The following NBEAL1 variants were observed in gnomAD, a reference collection of about 807,000 sequenced individuals.
The protein encoded by NBEAL1 is neurobeachin-like protein 1.
A neutral mutation model predicts 351.3 loss-of-function variants in NBEAL1; 273 were observed. The ratio of observed to expected loss-of-function variants is 0.78; its 90% CI spans 0.70 to 0.86. NBEAL1 has a LOEUF of 0.86. Ranked by LOEUF, NBEAL1 falls within the 40% of genes least tolerant of loss-of-function variation. The pLI, the probability that NBEAL1 is intolerant of heterozygous loss-of-function variation, is 0.00. For synonymous variants in NBEAL1, 1,050 were observed against 1,086.4 expected (o/e 0.97, Z 0.66); for missense variants, 2,961 against 3,201.3 (o/e 0.92, Z 1.81).
chr2:203,156,636 G>A (rs2063805084), intron 35 of NBEAL1, among the ~76,000 whole-genome samples: 1 of 152,168 alleles, frequency 6.6e-6, no homozygotes, highest in East Asian at 1.9e-4. Context: ...AATGTAGAGG[G>A]TATGATCAAA....
At chr2:203,204,695 C>A (rs942195002) in intron 51 of NBEAL1, among the ~76,000 whole-genome samples, 4 of 152,088 alleles carry the variant, frequency 2.6e-5, no homozygotes, top group African/African-American at 9.6e-5. Context: ...GATAAAATTT[C>A]TTTCTTTTTC....
intron 21 of NBEAL1, 75 bp downstream of exon 21, chr2:203,126,168 A>T (rs2062932558): frequency 7.4e-7 from 1 of 1,343,326 alleles, no homozygotes; most frequent in South Asian, 1.5e-5. Context: ...TTTTCTTCCT[A>T]ATAAATATAT....
chr2:203,197,653 A>G (rs2105800233), intron 48 of NBEAL1, among the ~76,000 whole-genome samples: 1 of 152,296 alleles, frequency 6.6e-6, no homozygotes, highest in South Asian at 2.1e-4. Context: ...CACGTCCGTA[A>G]TCCCAGCACT....
intron 15 of NBEAL1, among the ~76,000 whole-genome samples, chr2:203,111,584 C>G (rs2062574290): frequency 6.6e-6 from 1 of 152,002 alleles, no homozygotes; most frequent in South Asian, 2.1e-4. Context: ...GTTGGCCAGG[C>G]TGGTCTCGAA....
In NBEAL1 at chr2:203,127,838, T is replaced by C; in HGVS notation, c.3306T>C (p.Ser1102=). 6.5e-7 allele frequency: 1 copy of C among 1,539,788 alleles called. No individual in the cohort carries two copies. The highest frequency in any genetic ancestry group is 8.8e-7 in the Non-Finnish European group (1 of 1,134,760). The change falls in exon 24 of 56, where the codon TCT becomes TCC. Residue 1102 remains serine, a synonymous_variant. Transcript: ENST00000683969. ...ATGATATTCGAACAATAAGGACTTC[T>C]TTGTATGGACTAATTAAATATTTTC... ...SLDDIRTIRT[S]LYGLIKYFLC...
At chr2:203,031,471 G>A (rs914731558) in intron 2 of NBEAL1, among the ~76,000 whole-genome samples, 28 of 152,148 alleles carry the variant, frequency 1.8e-4, no homozygotes, top group Admixed American at 1.2e-3. Context: ...TTAAACTTAT[G>A]TGTAGTACTA....
At chr2:203,052,555 CTTGT>C (rs373453253) in intron 4 of NBEAL1, 3 of 151,808 alleles carry the variant, frequency 2.0e-5, no homozygotes, top group Non-Finnish European at 2.9e-5. Flanking sequence ...CATGACTTTT[CTTGT>C]TTGTTTGTTT....
At chr2:203,116,436 T>G (rs1205439610) in intron 18 of NBEAL1, among the ~76,000 whole-genome samples, 1 of 151,708 alleles carries the variant, frequency 6.6e-6, no homozygotes, top group Non-Finnish European at 1.5e-5. Flanking sequence ...TAGCCAAAAA[T>G]TTTAAAAAAA....
intron 55 of NBEAL1, among the ~76,000 whole-genome samples, chr2:203,214,620 C>T (rs1575141673): frequency 6.6e-6 from 1 of 151,988 alleles, no homozygotes; most frequent in African/African-American, 2.4e-5. Context: ...ACTAAAAATA[C>T]AAAAATTAGC....
intron 2 of NBEAL1, among the ~76,000 whole-genome samples, chr2:203,018,111 C>T (rs1437487475): frequency 1.3e-5 from 2 of 151,994 alleles, no homozygotes; most frequent in African/African-American, 2.4e-5. Flanking sequence ...AGGTAGCTAC[C>T]AAATATACCT....
At chr2:203,204,284 G>T (rs560596689) in intron 51 of NBEAL1, among the ~76,000 whole-genome samples, 1 of 141,636 alleles carries the variant, frequency 7.1e-6, no homozygotes, top group African/African-American at 2.6e-5. Flanking sequence ...TACTGAAATT[G>T]TATTTAATTT....
At chr2:203,163,152 A>G (rs1056008489) in intron 36 of NBEAL1, among the ~76,000 whole-genome samples, 1 of 152,186 alleles carries the variant, frequency 6.6e-6, no homozygotes, top group Non-Finnish European at 1.5e-5. Context: ...GCAAGACTCC[A>G]TCTCAAAAAA....
rs559198848 is a variant in NBEAL1, at chr2:203,187,080, A to G, written c.6706-1392A>G. ...CTCATTTTGAGAGTCTTTGCCCTCTAGAGATCCCGGGACTGAGAAATGTCC... is the reference window on the plus strand; with the variant it reads ...CTCATTTTGAGAGTCTTTGCCCTCTGGAGATCCCGGGACTGAGAAATGTCC... On this transcript the variant is annotated intron_variant, in intron 44 of 55. Transcript: ENST00000683969. 8.9e-4 allele frequency among the ~76,000 whole-genome samples: 135 copies of G among 152,132 alleles called. 1 individual carries two copies. The highest frequency in any genetic ancestry group is 2.8e-3 in the African/African-American group (115 of 41,416).
At chr2:203,140,217 C>A (rs1459857802) in intron 31 of NBEAL1, among the ~76,000 whole-genome samples, 1 of 151,312 alleles carries the variant, frequency 6.6e-6, no homozygotes, top group African/African-American at 2.4e-5. Flanking sequence ...GTAGGAGAAT[C>A]ACTTGAACCC....
chr2:203,097,531 T>G lies in NBEAL1; in HGVS notation c.1099-16T>G, dbSNP rs974578131. On this transcript the variant is annotated splice_polypyrimidine_tract_variant and intron_variant, in intron 10 of 55. Coordinates refer to ENST00000683969, the MANE Select transcript of NBEAL1 (RefSeq NM_001378026.1). ...TAATGTTCTTTCTCCATTATTCTTG[T>G]CTCTGTTTTTAACAGCTATTTTTAA... The G allele has an allele frequency of 4.8e-5, 46 of 960,394 alleles. No homozygotes were observed. Among genetic ancestry groups the G allele is most frequent in the Non-Finnish European group, 5.6e-5 (45 of 806,716 alleles). The allele number at this position is 960,394 out of a possible 1,614,324, so 59.5% of individuals were successfully genotyped here.
At chr2:203,125,541 CAAAA>C in intron 20 of NBEAL1, 21 bp downstream of exon 20, 1 of 1,371,688 alleles carries the variant, frequency 7.3e-7, no homozygotes, top group Non-Finnish European at 9.5e-7. Context: ...GAAATTAACA[CAAAA>C]TAGTCATTGA....
In NBEAL1 at chr2:203,201,707, G is replaced by T; in HGVS notation, c.7403G>T (p.Arg2468Leu). The change falls in exon 50 of 56, where the codon CGG (arginine) becomes CTG (leucine). Residue 2468 changes from arginine to leucine, a missense_variant. Coordinates refer to ENST00000683969, the MANE Select transcript of NBEAL1 (RefSeq NM_001378026.1). ...TKGKIISHII[R>L]HMDIVTCLAT... is the part of the protein sequence containing the mutation. ...GGCAAAATTATCTCACACATCATCC[G>T]GCATATGGGTAAGCATTAGCTTTTT... 1 of 1,589,946 alleles carries T rather than the reference G, an allele frequency of 6.3e-7. No individual in the cohort carries two copies. The highest frequency in any genetic ancestry group is 8.6e-7 in the Non-Finnish European group (1 of 1,167,188).
chr2:203,186,711 G>T (rs968962680), intron 44 of NBEAL1, among the ~76,000 whole-genome samples: 1 of 152,118 alleles, frequency 6.6e-6, no homozygotes, highest in African/African-American at 2.4e-5. Context: ...AAGGCCAAAG[G>T]TCTCTCTTCT....
intron 51 of NBEAL1, among the ~76,000 whole-genome samples, chr2:203,207,031 C>T (rs1185210147): frequency 1.3e-5 from 2 of 151,640 alleles, no homozygotes; most frequent in Non-Finnish European, 2.9e-5. Flanking sequence ...TCTGTCCGGC[C>T]GCCCATCATC....
Sources: gnomAD v4.1 joint callset for allele counts (sites outside exome capture counted in the v4.1 genomes callset) on GRCh38, gnomAD v4.1.1 for gene constraint, MANE v1.5 for transcripts, NCBI Gene and HGNC (gene_info 2026-07-23, HGNC 2026-07-21) for gene names.